The following RGL1 variants were observed in gnomAD, a reference collection of about 807,000 sequenced individuals.
The protein encoded by RGL1 is ral guanine nucleotide dissociation stimulator like 1.
Under a neutral mutation model 95.2 loss-of-function variants are expected in RGL1, and 24 were observed. The ratio of observed to expected loss-of-function variants is 0.25; its 90% CI spans 0.18 to 0.35. The LOEUF is 0.35. Among genes scored for constraint, RGL1 ranks in the 10% least tolerant of loss-of-function variants. The pLI is 1.00. For missense variants in RGL1, 715 were observed against 936.3 expected (o/e 0.76, Z 3.08); for synonymous variants, 329 against 344.9 (o/e 0.95, Z 0.51).
At chr1:183,642,158 C>T (rs1302836312) in intron 1 of RGL1, among the ~76,000 whole-genome samples, 2 of 152,202 alleles carry the variant, frequency 1.3e-5, no homozygotes, top group Admixed American at 1.3e-4. Context: ...AAAGATCCTG[C>T]AATCCTTATA....
intron 1 of RGL1, among the ~76,000 whole-genome samples, chr1:183,650,646 A>G (rs16861400): frequency 0.069 from 10,422 of 151,926 alleles, 620 homozygotes; most frequent in African/African-American, 0.16. Flanking sequence ...ACACTTTGAT[A>G]AATATTTCTG....
intron 1 of RGL1, among the ~76,000 whole-genome samples, chr1:183,737,068 GT>G (rs1411806933): frequency 6.6e-6 from 1 of 152,144 alleles, no homozygotes; most frequent in African/African-American, 2.4e-5. Context: ...ATCAAACAAA[GT>G]TCAGCATGGA....
chr1:183,746,583 C>T (rs997994122), intron 2 of RGL1, among the ~76,000 whole-genome samples: 3 of 149,330 alleles, frequency 2.0e-5, no homozygotes, highest in African/African-American at 7.4e-5. Context: ...TAGTTTTTTG[C>T]CATGATGAAC....
chr1:183,696,707 G>A (rs866527535), intron 1 of RGL1, among the ~76,000 whole-genome samples: 32 of 152,126 alleles, frequency 2.1e-4, no homozygotes, highest in South Asian at 2.1e-4. Flanking sequence ...AACAAAACCC[G>A]ATCTTTCCCC....
At position 183,768,429 on chromosome 1, in the gene RGL1, C is replaced by G. The variant is rs570827126; in HGVS notation, c.132+26140C>G. On this transcript the variant is annotated intron_variant, in intron 2 of 18. Transcript: ENST00000304685. ...TACCTTATTTCATAAATAACCTTTT[C>G]AAGCCCATAATTTGAACTAACCTTT... Among the ~76,000 whole-genome samples the G allele has an allele frequency of 8.0e-5, 12 of 150,160 alleles. No individual in the cohort carries two copies. The East Asian group carries it at 2.3e-3, about 29-fold the overall frequency.
At position 183,916,616 on chromosome 1, in the gene RGL1, C is replaced by T; in HGVS notation, c.1919C>T (p.Pro640Leu). 1 of 1,614,048 alleles carries T rather than the reference C, an allele frequency of 6.2e-7. No homozygotes were observed. The highest frequency in any genetic ancestry group is 8.5e-7 in the Non-Finnish European group (1 of 1,180,018). Residue 640 changes from proline to leucine, a missense_variant, in exon 16 of 18, where the codon CCT becomes CTT. This residue lies in a region of RGL1 where 330 missense variants were observed against 429.6 expected (regional missense o/e 0.77). Transcript: ENST00000360851. ...VTSITSTVLP[P>L]VYNQQNEDTC... ...TCCATTACCTCGACTGTGCTGCCTC[C>T]TGTTTACAACCAACAGAATGAAGAC...
chr1:183,871,952 G>A (rs1666206505), intron 4 of RGL1, among the ~76,000 whole-genome samples: 1 of 151,614 alleles, frequency 6.6e-6, no homozygotes, highest in Non-Finnish European at 1.5e-5. Flanking sequence ...TTTGCCTCAC[G>A]GTGATTTCTG....
intron 2 of RGL1, among the ~76,000 whole-genome samples, chr1:183,844,602 C>G (rs1336477692): frequency 6.6e-6 from 1 of 152,186 alleles, no homozygotes; most frequent in Non-Finnish European, 1.5e-5. Context: ...TTACGGCACA[C>G]ACTTCAAGCA....
rs1173756383 is a variant in RGL1 at position 183,724,803 on chromosome 1, C to T, written c.-32-17323C>T. Among the ~76,000 whole-genome samples the T allele has an allele frequency of 1.3e-5, 2 of 152,036 alleles. No homozygotes were observed. Among genetic ancestry groups the T allele is most frequent in the African/African-American group, 2.4e-5 (1 of 41,368 alleles). ...TTTCACCACCTGCTAATTATAGAACCTTAGGGCCTTGAGTGAACACAGGCA... is the reference window on the plus strand; with the variant it reads ...TTTCACCACCTGCTAATTATAGAACTTTAGGGCCTTGAGTGAACACAGGCA... On this transcript the variant is annotated intron_variant, in intron 1 of 18. Coordinates refer to the RGL1 transcript ENST00000304685. This position sits in a 1 kb window ranked among gnomAD's most constrained non-coding sequence, Gnocchi z 4.1.
chr1:183,799,465 C>T (rs1256745237), intron 2 of RGL1, among the ~76,000 whole-genome samples: 2 of 152,184 alleles, frequency 1.3e-5, no homozygotes, highest in Non-Finnish European at 2.9e-5. Flanking sequence ...TGCATCCTCA[C>T]CAACACTTGT....
At chr1:183,870,884 G>A (rs1320545973) in intron 4 of RGL1, among the ~76,000 whole-genome samples, 1 of 152,182 alleles carries the variant, frequency 6.6e-6, no homozygotes. Context: ...CAGCCACATG[G>A]AGAGGGAAAG....
intron 3 of RGL1, among the ~76,000 whole-genome samples, chr1:183,852,851 G>A (rs1363921197): frequency 2.0e-5 from 3 of 152,136 alleles, no homozygotes; most frequent in African/African-American, 4.8e-5. Context: ...ACATAAGGGT[G>A]TTAGATACTA....
At chr1:183,785,049 A>G (rs997676973) in intron 2 of RGL1, among the ~76,000 whole-genome samples, 1 of 152,120 alleles carries the variant, frequency 6.6e-6, no homozygotes. Flanking sequence ...GGCTCACATT[A>G]TTTTTCAGTG....
chr1:183,733,094 C>T (rs925548002), intron 1 of RGL1, among the ~76,000 whole-genome samples: 2 of 152,044 alleles, frequency 1.3e-5, no homozygotes, highest in Non-Finnish European at 2.9e-5. Context: ...CCTCACAGAG[C>T]TCTGAGTAAG....
intron 4 of RGL1, among the ~76,000 whole-genome samples, chr1:183,867,103 A>T (rs1449380519): frequency 1.3e-5 from 2 of 152,176 alleles, no homozygotes; most frequent in Non-Finnish European, 2.9e-5. Flanking sequence ...TCAGTCACAG[A>T]CATAATTAGC....
At position 183,751,988 on chromosome 1, in the gene RGL1, C is replaced by G. The variant is rs555372589; in HGVS notation, c.132+9699C>G. ...TTGGGAGCTGCAGACTGGAGCTGTTCCTATTCGGCCATCTTGCCAGATCCC... is the reference window on the plus strand; with the variant it reads ...TTGGGAGCTGCAGACTGGAGCTGTTGCTATTCGGCCATCTTGCCAGATCCC... On this transcript the variant is annotated intron_variant, in intron 2 of 18. Coordinates refer to the RGL1 transcript ENST00000304685. Among the ~76,000 whole-genome samples the G allele has an allele frequency of 7.2e-5, 11 of 152,168 alleles. No homozygotes were observed. The East Asian group carries it at 9.6e-4, about 13-fold the overall frequency.
intron 2 of RGL1, among the ~76,000 whole-genome samples, chr1:183,844,017 G>T (rs1001883028): frequency 1.3e-5 from 2 of 150,002 alleles, no homozygotes; most frequent in South Asian, 2.1e-4. Flanking sequence ...GTAGAGATGG[G>T]GTTTTACTAT....
intron 7 of RGL1, among the ~76,000 whole-genome samples, chr1:183,885,448 C>T (rs1009887961): frequency 1.3e-5 from 2 of 152,148 alleles, no homozygotes; most frequent in African/African-American, 2.4e-5. Flanking sequence ...TTACAGAGAT[C>T]TCATATTAAT....
At chr1:183,786,491 C>A (rs961356185) in intron 2 of RGL1, among the ~76,000 whole-genome samples, 3 of 152,090 alleles carry the variant, frequency 2.0e-5, no homozygotes, top group African/African-American at 4.8e-5. Context: ...TGCATTATAC[C>A]AGTTGAACAT....
Sources: allele counts gnomAD v4.1 joint callset (sites outside exome capture counted in the v4.1 genomes callset), GRCh38; gene constraint gnomAD v4.1.1; regional missense constraint gnomAD v4.1.1; non-coding constraint Gnocchi (gnomAD v3.1); transcripts MANE v1.5; gene names NCBI Gene and HGNC (gene_info 2026-07-23, HGNC 2026-07-21).